ZNF429: variants seen among roughly 807,000 people sequenced by gnomAD.
ZNF429 encodes zinc finger protein 429.
A neutral mutation model predicts 56.8 loss-of-function variants in ZNF429; 53 were observed. The ratio of observed to expected loss-of-function variants is 0.93; its 90% CI spans 0.75 to 1.17. The LOEUF is 1.17. ZNF429 is among the 50% of genes most tolerant of loss of function. The pLI, the probability that ZNF429 is intolerant of heterozygous loss-of-function variation, is 0.00. For synonymous variants in ZNF429, 278 were observed against 264.7 expected (o/e 1.05, Z -0.49); for missense variants, 849 against 788.4 (o/e 1.08, Z -0.92).
At position 21,537,136 on chromosome 19, in the gene ZNF429, A is replaced by T. The variant is rs766511119; in HGVS notation, c.1083A>T (p.Val361=). 4 of 1,613,790 alleles carry T rather than the reference A, an allele frequency of 2.5e-6. No individual in the cohort carries two copies. In the South Asian group the frequency reaches 4.4e-5, roughly 18 times the overall value. ...NWSSTLTKHK[V]IHTGEKPYKC... The stretch of plus-strand genomic sequence containing the variant: ...CTTCAACTCTTACTAAACATAAGGT[A>T]ATTCATACTGGAGAGAAGCCCTACA... Residue 361 remains valine (V), a synonymous_variant, in exon 4 of 4, where the codon GTA becomes GTT. Coordinates refer to ENST00000358491, the MANE Select transcript of ZNF429 (RefSeq NM_001001415.4).
chr19:21,534,959 A>G, intron 3 of ZNF429, among the ~76,000 whole-genome samples: 26 of 145,078 alleles, frequency 1.8e-4, no homozygotes, highest in African/African-American at 5.3e-4. Flanking sequence ...ACAGGCATCC[A>G]CCACCACGCC....
intron 1 of ZNF429, among the ~76,000 whole-genome samples, chr19:21,520,928 A>G (rs1415909314): frequency 6.6e-6 from 1 of 152,236 alleles, no homozygotes; most frequent in Non-Finnish European, 1.5e-5. Flanking sequence ...TAAGGCCACA[A>G]TATTTACTTT....
At chr19:21,532,085 A>G in intron 3 of ZNF429, among the ~76,000 whole-genome samples, 1 of 148,080 alleles carries the variant, frequency 6.8e-6, no homozygotes, top group African/African-American at 2.5e-5. Flanking sequence ...CCAAGGAGGT[A>G]AAAAGTATTT....
Position 21,530,464 on chromosome 19 carries a change from A to G in ZNF429, c.131-125A>G. 5.5e-6 allele frequency: 3 copies of G among 541,436 alleles called. No individual in the cohort carries two copies. The East Asian group carries it at 1.0e-4, about 18-fold the overall frequency. 33.5% of individuals were successfully genotyped at this position (541,436 alleles called of 1,614,324 possible). A position where few individuals can be genotyped will look rare whatever the true frequency, so the allele number is the denominator to read the frequency against. The stretch of plus-strand genomic sequence containing the variant: ...TTCTAAAGATTTAGAAATTTCTCTT[A>G]TAAATTGGTATTTGGGCATTAATTT... On this transcript the variant is annotated intron_variant, in intron 2 of 3. Coordinates refer to ENST00000358491, the MANE Select transcript of ZNF429 (RefSeq NM_001001415.4).
At chr19:21,531,119 A>AAACAAAAC in intron 3 of ZNF429, among the ~76,000 whole-genome samples, 1 of 88,462 alleles carries the variant, frequency 1.1e-5, no homozygotes, top group African/African-American at 5.0e-5. Flanking sequence ...AAAAAAAAAA[A>AAACAAAAC]AAAAAAAAAA....
Position 21,538,727 on chromosome 19 carries a change from G to GA in ZNF429, c.*655dup, listed in dbSNP as rs2033819779. 6.6e-6 allele frequency: 1 copy of GA among 152,028 alleles called. No homozygotes were observed. The highest frequency in any genetic ancestry group is 2.4e-5 in the African/African-American group (1 of 41,404). The allele number at this position is 152,028 out of a possible 1,614,324, so 9.4% of individuals were successfully genotyped here. On this transcript the variant is annotated 3_prime_UTR_variant, in exon 4 of 4. Transcript: ENST00000358491. ...ATTGCATAGAAAAGCATTTATACCT[G>GA]AAAAAAGGTATACAAATTTAAAAAA...
At chr19:21,506,460 A>AG (rs199861700) in intron 1 of ZNF429, among the ~76,000 whole-genome samples, 1 of 107,824 alleles carries the variant, frequency 9.3e-6, no homozygotes. Context: ...AAAAAAAAAA[A>AG]AGGGGAGTCA....
At chr19:21,522,043 G>A (rs8110814) in intron 1 of ZNF429, 91,468 of 152,064 alleles carry the variant, frequency 0.6, 27,850 homozygotes, top group African/African-American at 0.7. Flanking sequence ...TCGTCATCAG[G>A]AGAGGGTAAG....
chr19:21,534,313 C>G lies in ZNF429; in HGVS notation c.227-1967C>G. Among the ~76,000 whole-genome samples, 3 of 101,986 alleles carry G rather than the reference C, an allele frequency of 2.9e-5. 1 individual carries two copies. Among genetic ancestry groups the G allele is most frequent in the African/African-American group, 1.1e-4 (3 of 27,824 alleles). 66.9% of individuals were successfully genotyped at this position (101,986 alleles called of 152,430 possible). A position where few individuals can be genotyped will look rare whatever the true frequency, so the allele number is the denominator to read the frequency against. ...TTTGGATTTTCCAGTTTTACTTTTG[C>G]TTTTAGTTCCTAGTTTTATTTAGTT... On this transcript the variant is annotated intron_variant, in intron 3 of 3. Coordinates refer to ENST00000358491, the MANE Select transcript of ZNF429 (RefSeq NM_001001415.4).
At position 21,536,890 on chromosome 19, in the gene ZNF429, T is replaced by C; in HGVS notation, c.837T>C (p.His279=). The C allele has an allele frequency of 6.2e-7, 1 of 1,612,360 alleles. No homozygotes were observed. The highest frequency in any genetic ancestry group is 8.5e-7 in the Non-Finnish European group (1 of 1,179,158). The stretch of plus-strand genomic sequence containing the variant: ...CCCTTACTACCCATAAGAGAATTCA[T>C]TCTGGAGAGAAGCCCTACAAATGTG... The part of the protein sequence containing the change: ...YSTLTTHKRI[H]SGEKPYKCDE... Residue 279 remains histidine (H), a synonymous_variant, in exon 4 of 4, where the codon CAT becomes CAC. Coordinates refer to ENST00000358491, the MANE Select transcript of ZNF429 (RefSeq NM_001001415.4).
intron 1 of ZNF429, among the ~76,000 whole-genome samples, chr19:21,514,731 T>A (rs1428833651): frequency 1.3e-5 from 2 of 151,672 alleles, no homozygotes; most frequent in Non-Finnish European, 2.9e-5. Context: ...CCCAAGTAGC[T>A]GGGATCACAG....
chr19:21,510,326 G>T (rs7259317), intron 1 of ZNF429, among the ~76,000 whole-genome samples: 92,561 of 151,836 alleles, frequency 0.61, 28,681 homozygotes, highest in African/African-American at 0.72. Context: ...ACGGAGGGCA[G>T]CCCAAAGTCC....
chr19:21,531,404 GC>G, intron 3 of ZNF429, among the ~76,000 whole-genome samples: 1 of 152,126 alleles, frequency 6.6e-6, no homozygotes, highest in Non-Finnish European at 1.5e-5. Flanking sequence ...AGAGGTGTCT[GC>G]TTCTTCACAT....
Position 21,505,646 on chromosome 19 carries a change from A to C in ZNF429, c.-126A>C, listed in dbSNP as rs776549659. 3.8e-5 allele frequency: 38 copies of C among 1,005,314 alleles called. No homozygotes were observed. Among genetic ancestry groups the C allele is most frequent in the Non-Finnish European group, 5.0e-5 (35 of 696,420 alleles). The allele number at this position is 1,005,314 out of a possible 1,614,324, so 62.3% of individuals were successfully genotyped here. On this transcript the variant is annotated 5_prime_UTR_variant, in exon 1 of 4. Coordinates refer to ENST00000358491, the MANE Select transcript of ZNF429 (RefSeq NM_001001415.4). ...GGGGCGTTTGGCTCTTGCTGCAGCC[A>C]GAGCTCCAGGTCTCGTCTTCATTTC... is the stretch of plus-strand genomic sequence containing the variant.
intron 1 of ZNF429, chr19:21,529,256 A>G (rs2033282086): frequency 6.5e-6 from 1 of 153,808 alleles, no homozygotes; most frequent in African/African-American, 2.4e-5. Flanking sequence ...TCTTCAGTTC[A>G]TTGAACACAT....
intron 1 of ZNF429, among the ~76,000 whole-genome samples, chr19:21,527,341 A>G (rs1454682519): frequency 6.6e-6 from 1 of 152,184 alleles, no homozygotes; most frequent in Non-Finnish European, 1.5e-5. Context: ...TCTAATTAGA[A>G]TTCCACAGCC....
chr19:21,535,373 CTT>C, intron 3 of ZNF429, among the ~76,000 whole-genome samples: 26 of 70,520 alleles, frequency 3.7e-4, no homozygotes, highest in African/African-American at 6.5e-4. Context: ...TTCTTTCTTT[CTT>C]TCTTTTTTAC....
Position 21,538,305 on chromosome 19 carries a change from G to GAA in ZNF429, c.*230_*231dup, listed in dbSNP as rs2033804743. 0.021 allele frequency among the ~76,000 whole-genome samples: 1,989 copies of GAA among 93,536 alleles called. 49 individuals carry two copies. The highest frequency in any genetic ancestry group is 0.077 in the African/African-American group (1,909 of 24,726). 61.4% of individuals were successfully genotyped at this position (93,536 alleles called of 152,430 possible). A position where few individuals can be genotyped will look rare whatever the true frequency, so the allele number is the denominator to read the frequency against. On this transcript the variant is annotated 3_prime_UTR_variant, in exon 4 of 4. Coordinates refer to ENST00000358491, the MANE Select transcript of ZNF429 (RefSeq NM_001001415.4). ...AAAAAAAAAAAAAAAAAAAAGAAAA[G>GAA]AAAATTCATAGGCCAGGTATGGTGG...
chr19:21,519,989 G>A (rs2032930525), intron 1 of ZNF429, among the ~76,000 whole-genome samples: 1 of 151,802 alleles, frequency 6.6e-6, no homozygotes, highest in Admixed American at 6.6e-5. Flanking sequence ...CTGAGTAACT[G>A]GGATTACAGG....
Sources: allele counts gnomAD v4.1 joint callset (sites outside exome capture counted in the v4.1 genomes callset), GRCh38; gene constraint gnomAD v4.1.1; transcripts MANE v1.5; gene names NCBI Gene and HGNC (gene_info 2026-07-23, HGNC 2026-07-21).